KIAA1217: variants seen among roughly 807,000 people sequenced by gnomAD.
KIAA1217 encodes the protein KIAA1217.
KIAA1217 carries 88 observed loss-of-function variants against 163.9 expected under a neutral mutation model. The ratio of observed to expected loss-of-function variants is 0.54; its 90% CI spans 0.45 to 0.64. The LOEUF (loss-of-function observed/expected upper bound fraction) is 0.64. Ranked by LOEUF, KIAA1217 falls within the 30% of genes least tolerant of loss-of-function variation. The pLI is 0.00. For synonymous variants in KIAA1217, 903 were observed against 923.1 expected, an observed-to-expected ratio of 0.98 and a Z score of 0.39; for missense variants, 2,372 against 2,475.0, an observed-to-expected ratio of 0.96 and a Z score of 0.88.
chr10:23,797,693 C>CA (rs1836273741), intron 1 of KIAA1217, among the ~76,000 whole-genome samples: 1 of 152,164 alleles, frequency 6.6e-6, no homozygotes, highest in African/African-American at 2.4e-5. Context: ...CACCAACTGT[C>CA]ATGAGAACTC....
intron 1 of KIAA1217, among the ~76,000 whole-genome samples, chr10:23,885,477 G>T (rs1841131014): frequency 6.6e-6 from 1 of 151,936 alleles, no homozygotes; most frequent in Non-Finnish European, 1.5e-5. Context: ...AGATTTGAAG[G>T]TGAAGGACTT....
chr10:23,986,238 A>C (rs777815744), intron 1 of KIAA1217, among the ~76,000 whole-genome samples: 2 of 152,196 alleles, frequency 1.3e-5, no homozygotes, highest in Non-Finnish European at 2.9e-5. Context: ...CCTTCTAGTA[A>C]GAATTCTCTG....
intron 9 of KIAA1217, among the ~76,000 whole-genome samples, chr10:24,501,937 G>C (rs1482686922): frequency 6.6e-6 from 1 of 151,770 alleles, no homozygotes; most frequent in Non-Finnish European, 1.5e-5. Flanking sequence ...TTTTAGTAGA[G>C]ACGGGGTTTC....
chr10:24,185,852 C>T (rs1439398973), intron 2 of KIAA1217, among the ~76,000 whole-genome samples: 1 of 151,590 alleles, frequency 6.6e-6, no homozygotes, highest in Non-Finnish European at 1.5e-5. Context: ...ATAATCCCAG[C>T]TACTAAGAGG....
chr10:24,453,139 G>A (rs1302555975), intron 5 of KIAA1217, among the ~76,000 whole-genome samples: 2 of 152,178 alleles, frequency 1.3e-5, no homozygotes, highest in East Asian at 1.9e-4. Flanking sequence ...TCAAGTCACC[G>A]TTCCCAAGAC....
intron 2 of KIAA1217, among the ~76,000 whole-genome samples, chr10:24,032,304 G>A (rs1042178497): frequency 2.6e-5 from 4 of 152,136 alleles, no homozygotes; most frequent in Non-Finnish European, 5.9e-5. Context: ...CTGTCATCCA[G>A]ACTGGAGTGC....
intron 1 of KIAA1217, among the ~76,000 whole-genome samples, chr10:23,763,059 T>C (rs181036799): frequency 2.0e-5 from 3 of 152,178 alleles, no homozygotes; most frequent in Admixed American, 6.5e-5. Flanking sequence ...CTAACAAGGC[T>C]GTGAAGGACC....
rs71397947 is a variant in KIAA1217, at chr10:24,409,997, C to CTTTTTTTTTTTTTTTTT, written c.554-22997_554-22981dup. On this transcript the variant is annotated intron_variant, in intron 3 of 20. Coordinates refer to ENST00000376454, the MANE Select transcript of KIAA1217 (RefSeq NM_019590.5). Reference sequence around the variant, plus strand: ...TTCTTTTCTTTTCTTTTTCTTTTTTCTTTTTTTTTTTTTTTTTGAGACAGG... The same window carrying CTTTTTTTTTTTTTTTTT: ...TTCTTTTCTTTTCTTTTTCTTTTTTCTTTTTTTTTTTTTTTTTTTTTTTTTTTTTTTTTTGAGACAGG... Among the ~76,000 whole-genome samples the CTTTTTTTTTTTTTTTTT allele has an allele frequency of 1.8e-4, 22 of 123,860 alleles. 1 individual carries two copies. Among genetic ancestry groups the CTTTTTTTTTTTTTTTTT allele is most frequent in the Non-Finnish European group, 2.3e-4 (14 of 60,490 alleles). 81.3% of individuals were successfully genotyped at this position (123,860 alleles called of 152,430 possible). A position where few individuals can be genotyped will look rare whatever the true frequency, so the allele number is the denominator to read the frequency against.
intron 1 of KIAA1217, among the ~76,000 whole-genome samples, chr10:23,744,624 A>T (rs1588704842): frequency 1.3e-5 from 2 of 152,294 alleles, no homozygotes. Flanking sequence ...ATGATTACGG[A>T]AGGTTATGCT....
intron 2 of KIAA1217, among the ~76,000 whole-genome samples, chr10:24,038,409 C>G (rs1424963284): frequency 6.8e-4 from 103 of 152,262 alleles, no homozygotes; most frequent in Non-Finnish European, 2.8e-4. Flanking sequence ...TACATTTACC[C>G]TAAGTATTAC....
chr10:24,466,401 G>A (rs763498004), intron 5 of KIAA1217: 5 of 320,372 alleles, frequency 1.6e-5, no homozygotes, highest in Non-Finnish European at 1.8e-5. Flanking sequence ...TGTTTTCCCT[G>A]TAAGCAGTTG....
intron 2 of KIAA1217, among the ~76,000 whole-genome samples, chr10:24,043,861 A>G (rs984632631): frequency 6.6e-6 from 1 of 152,102 alleles, no homozygotes; most frequent in Non-Finnish European, 1.5e-5. Flanking sequence ...TTTTAAATAG[A>G]CTTAGTGGGT....
chr10:24,306,918 G>A (rs2042065853), intron 2 of KIAA1217, among the ~76,000 whole-genome samples: 1 of 152,150 alleles, frequency 6.6e-6, no homozygotes. Flanking sequence ...CATTCTACTT[G>A]TCTATTGTTC....
intron 13 of KIAA1217, among the ~76,000 whole-genome samples, chr10:24,527,065 A>T (rs1455223932): frequency 3.3e-5 from 5 of 152,148 alleles, no homozygotes; most frequent in Non-Finnish European, 5.9e-5. Context: ...ACATTCTTTT[A>T]AAAAGTATGC....
intron 1 of KIAA1217, among the ~76,000 whole-genome samples, chr10:23,890,704 A>G (rs953169226): frequency 6.6e-6 from 1 of 152,000 alleles, no homozygotes; most frequent in Non-Finnish European, 1.5e-5. Context: ...TGCCATTGAA[A>G]CAAATATGTA....
At chr10:23,743,183 G>T (rs1319963508) in intron 1 of KIAA1217, among the ~76,000 whole-genome samples, 1 of 151,384 alleles carries the variant, frequency 6.6e-6, no homozygotes, top group Non-Finnish European at 1.5e-5. Flanking sequence ...CCAGAAAGTT[G>T]AACTTAATAC....
chr10:24,360,207 C>T (rs1020784499), intron 2 of KIAA1217, among the ~76,000 whole-genome samples: 8 of 151,822 alleles, frequency 5.3e-5, no homozygotes, highest in East Asian at 1.9e-4. Context: ...CCACCATACC[C>T]GGCTAATTCT....
chr10:23,853,125 A>G (rs932281230), intron 1 of KIAA1217, among the ~76,000 whole-genome samples: 1 of 152,142 alleles, frequency 6.6e-6, no homozygotes, highest in African/African-American at 2.4e-5. Context: ...CTTTTTGCTC[A>G]TTCAGTATGA....
At chr10:24,531,567 T>C (rs2073127924) in intron 14 of KIAA1217, among the ~76,000 whole-genome samples, 1 of 152,176 alleles carries the variant, frequency 6.6e-6, no homozygotes, top group Admixed American at 6.5e-5. Flanking sequence ...CATTCAATCC[T>C]TATGACACCC....
Sources: gnomAD v4.1 joint callset for allele counts (sites outside exome capture counted in the v4.1 genomes callset) on GRCh38, gnomAD v4.1.1 for gene constraint, MANE v1.5 for transcripts, NCBI Gene and HGNC (gene_info 2026-07-23, HGNC 2026-07-21) for gene names.